Variants in USH2A observed in about 807,000 individuals in gnomAD.
USH2A encodes the protein Usher syndrome 2A (autosomal recessive, mild).
In USH2A, 443 loss-of-function variants were observed where a neutral mutation model predicts 538.9. That is an observed-to-expected ratio of 0.82 (90% CI 0.76 to 0.89). USH2A has a LOEUF of 0.89. USH2A is among the 40% of genes least tolerant of loss of function. The pLI, the probability that USH2A is intolerant of heterozygous loss-of-function variation, is 0.00. For missense variants in USH2A, 6,633 were observed against 6,324.8 expected (o/e 1.05, Z -1.65); for synonymous variants, 2,413 against 2,273.5 (o/e 1.06, Z -1.75).
chr1:216,214,945 A>T (rs1349658455), intron 15 of USH2A, among the ~76,000 whole-genome samples: 1 of 152,040 alleles, frequency 6.6e-6, no homozygotes, highest in Non-Finnish European at 1.5e-5. Context: ...TACAGAAAAT[A>T]GGACTATTTA....
At chr1:216,047,062 G>A (rs1048027818) in intron 31 of USH2A, among the ~76,000 whole-genome samples, 5 of 152,102 alleles carry the variant, frequency 3.3e-5, no homozygotes, top group African/African-American at 1.2e-4. Flanking sequence ...AAACTTTAGT[G>A]CATATTTTTT....
chr1:216,097,111 C>T lies in USH2A; in HGVS notation c.4730G>A (p.Gly1577Glu). ...AGGATCAAAAAGAAAATAAAGACGTCCCTTCTTCAACTGAAGTGCAAAATA... is the reference window on the plus strand; with the variant it reads ...AGGATCAAAAAGAAAATAAAGACGTTCCTTCTTCAACTGAAGTGCAAAATA... Reference protein sequence around the residue: ...EEYFALQLKKGRLYFLFDPQG... With the variant: ...EEYFALQLKKERLYFLFDPQG... The change falls in exon 22 of 72, where the codon GGA (glycine) becomes GAA (glutamate). Residue 1577 changes from glycine to glutamate, a missense_variant. Gly to Glu is a moderately conservative substitution (Grantham distance 98, BLOSUM62 -2). Coordinates refer to ENST00000307340, the MANE Select transcript of USH2A (RefSeq NM_206933.4). 6.2e-7 allele frequency: 1 copy of T among 1,614,046 alleles called. No homozygotes were observed. Among genetic ancestry groups the T allele is most frequent in the Non-Finnish European group, 8.5e-7 (1 of 1,180,000 alleles).
chr1:216,097,076 C>T lies in USH2A; in HGVS notation c.4758+7G>A, dbSNP rs2102572700. 1 of 1,612,818 alleles carries T rather than the reference C, an allele frequency of 6.2e-7. No homozygotes were observed. Among genetic ancestry groups the T allele is most frequent in the Non-Finnish European group, 8.5e-7 (1 of 1,179,228 alleles). On this transcript the variant is annotated splice_region_variant and intron_variant, in intron 22 of 71. Coordinates refer to ENST00000307340, the MANE Select transcript of USH2A (RefSeq NM_206933.4). Reference sequence around the variant, plus strand: ...AAAAATATTAAAGTTTATGATTTCTCATTTACCTGAGGATCAAAAAGAAAA... The same window carrying T: ...AAAAATATTAAAGTTTATGATTTCTTATTTACCTGAGGATCAAAAAGAAAA...
At chr1:216,322,696 T>C (rs1253341950) in intron 8 of USH2A, among the ~76,000 whole-genome samples, 6 of 152,068 alleles carry the variant, frequency 3.9e-5, no homozygotes, top group African/African-American at 1.4e-4. Context: ...TATTTTTTTT[T>C]CCAAAGTTAG....
At chr1:215,665,000 G>C (rs1011621166) in intron 64 of USH2A, among the ~76,000 whole-genome samples, 2 of 152,180 alleles carry the variant, frequency 1.3e-5, no homozygotes, top group African/African-American at 4.8e-5. Context: ...CAAATATCCA[G>C]AAGTAGTGAG....
intron 27 of USH2A, among the ~76,000 whole-genome samples, chr1:216,074,027 G>A (rs906620338): frequency 1.7e-4 from 26 of 152,258 alleles, no homozygotes; most frequent in Non-Finnish European, 1.3e-4. Context: ...GCAACACCAT[G>A]AGATTTCATG....
rs1553248340 is a variant in USH2A, at chr1:215,629,776, T to TTCTTTTCTTTTC, written c.15298-742_15298-741insGAAAAGAAAAGA. Among the ~76,000 whole-genome samples, 22 of 146,028 alleles carry TTCTTTTCTTTTC rather than the reference T, an allele frequency of 1.5e-4. No homozygotes were observed. The South Asian group carries it at 4.8e-3, about 32-fold the overall frequency. ...TTTCTGCTTTTTCTTTTCTTTTCTT[T>TTCTTTTCTTTTC]TTTTTTTTTTTTTTTTTGAGACAGA... On this transcript the variant is annotated intron_variant, in intron 70 of 71. Coordinates refer to ENST00000307340, the MANE Select transcript of USH2A (RefSeq NM_206933.4).
chr1:216,340,319 T>A (rs1484010380), intron 4 of USH2A, among the ~76,000 whole-genome samples: 1 of 152,046 alleles, frequency 6.6e-6, no homozygotes, highest in East Asian at 1.9e-4. Context: ...AATAGACGAA[T>A]AATGAGTTCT....
intron 37 of USH2A, among the ~76,000 whole-genome samples, chr1:215,961,182 C>T (rs1667190660): frequency 6.6e-6 from 1 of 151,954 alleles, no homozygotes; most frequent in South Asian, 2.1e-4. Flanking sequence ...TCGTGGCTTT[C>T]AGAAGACAGG....
intron 44 of USH2A, among the ~76,000 whole-genome samples, chr1:215,852,025 G>T (rs1239877714): frequency 1.3e-5 from 2 of 152,108 alleles, no homozygotes; most frequent in East Asian, 3.9e-4. Flanking sequence ...AATAGGCATA[G>T]AAAGGACATA....
intron 43 of USH2A, among the ~76,000 whole-genome samples, chr1:215,867,983 ACAGT>A (rs1341439395): frequency 6.6e-6 from 1 of 152,178 alleles, no homozygotes; most frequent in East Asian, 1.9e-4. Context: ...ATAAACAGAC[ACAGT>A]CAGTCTATGA....
intron 55 of USH2A, among the ~76,000 whole-genome samples, chr1:215,772,770 A>T (rs940726471): frequency 2.0e-5 from 3 of 152,192 alleles, no homozygotes; most frequent in Non-Finnish European, 4.4e-5. Flanking sequence ...CAATTATTCT[A>T]TAGTGTCATC....
chr1:215,857,462 C>T (rs1327194940), intron 44 of USH2A, among the ~76,000 whole-genome samples: 1 of 152,052 alleles, frequency 6.6e-6, no homozygotes, highest in Admixed American at 6.5e-5. Context: ...TAGCCTTAAG[C>T]CAGAAGCCAG....
intron 55 of USH2A, among the ~76,000 whole-genome samples, chr1:215,775,505 G>A (rs1661436356): frequency 6.6e-6 from 1 of 152,102 alleles, no homozygotes; most frequent in Non-Finnish European, 1.5e-5. Flanking sequence ...GAACACAATG[G>A]CAAACAGGAA....
intron 17 of USH2A, 89 bp downstream of exon 17, chr1:216,199,538 T>C (rs971893672): frequency 3.1e-6 from 5 of 1,590,424 alleles, no homozygotes; most frequent in Non-Finnish European, 4.3e-6. Flanking sequence ...TAAAAAGGAA[T>C]ACAACTGCCA....
At chr1:216,035,308 A>G (rs1253138041) in intron 32 of USH2A, among the ~76,000 whole-genome samples, 3 of 152,166 alleles carry the variant, frequency 2.0e-5, no homozygotes, top group Admixed American at 6.6e-5. Context: ...AAAAAGGAGA[A>G]ATTTGTACAC....
At chr1:215,643,604 C>T (rs2102638834) in intron 67 of USH2A, among the ~76,000 whole-genome samples, 1 of 151,980 alleles carries the variant, frequency 6.6e-6, no homozygotes. Context: ...CAGCTCACTG[C>T]AGCCTTGACT....
Position 215,627,430 on chromosome 1 carries a change from TTCC to T in USH2A, c.15519+1381_15519+1383del, listed in dbSNP as rs1558027403. Among the ~76,000 whole-genome samples, 685 of 120,206 alleles carry T rather than the reference TTCC, an allele frequency of 5.7e-3. 18 individuals carry two copies. Among genetic ancestry groups the T allele is most frequent in the East Asian group, 0.031 (121 of 3,850 alleles). 78.9% of individuals were successfully genotyped at this position (120,206 alleles called of 152,430 possible). A position where few individuals can be genotyped will look rare whatever the true frequency, so the allele number is the denominator to read the frequency against. ...CTTCCTTCCTTCCTTCCTTCCTTCCTTCCTTCCTTCCTTCCTTCCTTCCTTCCT... is the reference window on the plus strand; with the variant it reads ...CTTCCTTCCTTCCTTCCTTCCTTCCTTTCCTTCCTTCCTTCCTTCCTTCCT... On this transcript the variant is annotated intron_variant, in intron 71 of 71. Transcript: ENST00000307340.
intron 27 of USH2A, among the ~76,000 whole-genome samples, chr1:216,076,972 T>C (rs143168606): frequency 6.6e-6 from 1 of 152,274 alleles, no homozygotes; most frequent in African/African-American, 2.4e-5. Flanking sequence ...GAGCATTGAC[T>C]GTAAAAAGGA....
Sources: gnomAD v4.1 joint callset for allele counts (sites outside exome capture counted in the v4.1 genomes callset) on GRCh38, gnomAD v4.1.1 for gene constraint, MANE v1.5 for transcripts, NCBI Gene and HGNC (gene_info 2026-07-23, HGNC 2026-07-21) for gene names.